The following SPIRE1 variants were observed in gnomAD, a reference collection of about 807,000 sequenced individuals.
The protein encoded by SPIRE1 is protein spire homolog 1.
In SPIRE1, 40 loss-of-function variants were observed where a neutral mutation model predicts 94.1. The ratio of observed to expected loss-of-function variants is 0.43; its 90% CI spans 0.33 to 0.55. SPIRE1 has a LOEUF of 0.55. Ranked by LOEUF, SPIRE1 falls within the 20% of genes least tolerant of loss-of-function variation. SPIRE1 has a pLI of 0.06. For missense variants in SPIRE1, 838 were observed against 975.2 expected, an observed-to-expected ratio of 0.86 and a Z score of 1.87; for synonymous variants, 376 against 371.7, an observed-to-expected ratio of 1.01 and a Z score of -0.13.
rs758124936 is a variant in SPIRE1 at position 12,479,829 on chromosome 18, G to A, written c.1274C>T (p.Ser425Phe). Reference sequence around the variant, plus strand: ...TGATGTCAAACCTCCATTCACCATAGATGACTCCACAAGATTCTTTGTAGA... The same window carrying A: ...TGATGTCAAACCTCCATTCACCATAAATGACTCCACAAGATTCTTTGTAGA... ...PESTKNLVESSMVNGGLTSQT... is the reference protein window; with the variant it reads ...PESTKNLVESFMVNGGLTSQT... The change falls in exon 10 of 17, where the codon TCT becomes TTT. Residue 425 changes from serine to phenylalanine, a missense_variant. Transcript: ENST00000409402. 2 of 1,614,118 alleles carry A rather than the reference G, an allele frequency of 1.2e-6. No individual in the cohort carries two copies. Among genetic ancestry groups the A allele is most frequent in the Non-Finnish European group, 1.7e-6 (2 of 1,179,996 alleles).
chr18:12,557,482 C>A (rs1335915321), intron 2 of SPIRE1, among the ~76,000 whole-genome samples: 1 of 152,164 alleles, frequency 6.6e-6, no homozygotes, highest in Non-Finnish European at 1.5e-5. Flanking sequence ...CTCATGCTGG[C>A]CCGCGAGCGC....
intron 2 of SPIRE1, among the ~76,000 whole-genome samples, chr18:12,609,099 A>G (rs570683904): frequency 6.6e-5 from 10 of 152,248 alleles, no homozygotes; most frequent in Non-Finnish European, 1.0e-4. Flanking sequence ...TCGAGCTTCT[A>G]TGAGAATCTA....
intron 14 of SPIRE1, 171 bp from the exon 15 acceptor site, chr18:12,452,683 C>A: frequency 1.4e-6 from 1 of 692,196 alleles, no homozygotes; most frequent in Non-Finnish European, 2.5e-6. Flanking sequence ...AGATAATCTA[C>A]AGAACTTAAC....
intron 4 of SPIRE1, among the ~76,000 whole-genome samples, chr18:12,521,065 A>T (rs892646744): frequency 1.3e-5 from 2 of 152,214 alleles, no homozygotes; most frequent in African/African-American, 4.8e-5. Flanking sequence ...AGACTATAAA[A>T]TGTGGCTATA....
intron 10 of SPIRE1, 31 bp downstream of exon 10, chr18:12,479,668 G>C (rs764998025): frequency 1.3e-6 from 2 of 1,566,382 alleles, no homozygotes; most frequent in African/African-American, 2.7e-5. Context: ...CCCTCATCTT[G>C]GGAGTCAAGC....
intron 2 of SPIRE1, among the ~76,000 whole-genome samples, chr18:12,600,601 A>G (rs1264330597): frequency 6.6e-6 from 1 of 152,090 alleles, no homozygotes; most frequent in Non-Finnish European, 1.5e-5. Context: ...CACTCCTTCT[A>G]TATTTGTGAG....
At chr18:12,492,962 C>G in intron 8 of SPIRE1, 110 bp downstream of exon 8, 1 of 1,278,608 alleles carries the variant, frequency 7.8e-7, no homozygotes, top group South Asian at 1.6e-5. Flanking sequence ...GAGTGAGATA[C>G]AGAGAAATGA....
intron 2 of SPIRE1, among the ~76,000 whole-genome samples, chr18:12,561,776 C>T (rs1206340099): frequency 1.3e-5 from 2 of 152,136 alleles, no homozygotes; most frequent in African/African-American, 2.4e-5. Flanking sequence ...CTATAATCAA[C>T]ACATTAATAT....
intron 12 of SPIRE1, among the ~76,000 whole-genome samples, chr18:12,461,529 A>G (rs978153321): frequency 1.3e-5 from 2 of 148,942 alleles, no homozygotes; most frequent in African/African-American, 2.5e-5. Flanking sequence ...TATGTGTGGT[A>G]TGTACGTACA....
chr18:12,509,872 G>A (rs1268140799), intron 5 of SPIRE1, among the ~76,000 whole-genome samples: 2 of 152,090 alleles, frequency 1.3e-5, no homozygotes, highest in Non-Finnish European at 2.9e-5. Flanking sequence ...CACCAGGTAG[G>A]TCAGGAGTAC....
chr18:12,458,000 G>A (rs2031602507), intron 12 of SPIRE1, among the ~76,000 whole-genome samples: 2 of 151,604 alleles, frequency 1.3e-5, no homozygotes, highest in African/African-American at 4.8e-5. Flanking sequence ...GCCCGCCACT[G>A]AGCCCAGCTA....
At chr18:12,541,527 T>G (rs534288751) in intron 3 of SPIRE1, among the ~76,000 whole-genome samples, 2 of 152,354 alleles carry the variant, frequency 1.3e-5, no homozygotes, top group African/African-American at 4.8e-5. Context: ...ATGAATGCTA[T>G]TTCTCCTTAG....
intron 4 of SPIRE1, among the ~76,000 whole-genome samples, chr18:12,531,309 T>A (rs2034675634): frequency 6.6e-6 from 1 of 152,166 alleles, no homozygotes; most frequent in African/African-American, 2.4e-5. Flanking sequence ...ACACATTCTC[T>A]CATAAACTCT....
rs760230999 is a variant in SPIRE1, at chr18:12,546,870, G to A, written c.407C>T (p.Ala136Val). 6.2e-7 allele frequency: 1 copy of A among 1,613,770 alleles called. No homozygotes were observed. Among genetic ancestry groups the A allele is most frequent in the Non-Finnish European group, 8.5e-7 (1 of 1,179,880 alleles). ...ATTCTCCTTCAAACCATAGTCCAGT[G>A]CTTTATAAATAATAATTCCCAAAGA... The part of the protein sequence containing the change: ...IESLGIIIYK[A>V]LDYGLKENEE... Residue 136 changes from alanine (A) to valine (V), a missense_variant, in exon 3 of 17, where the codon GCA (alanine) becomes GTA (valine). This residue lies in a region of SPIRE1 where 645 missense variants were observed against 804.7 expected (regional missense o/e 0.80). Transcript: ENST00000409402.
At chr18:12,611,572 G>A (rs772457930) in intron 2 of SPIRE1, among the ~76,000 whole-genome samples, 1 of 152,208 alleles carries the variant, frequency 6.6e-6, no homozygotes, top group Non-Finnish European at 1.5e-5. Flanking sequence ...AAAACACTGA[G>A]CCAGAATCAC....
At chr18:12,605,933 C>G (rs973104523) in intron 2 of SPIRE1, among the ~76,000 whole-genome samples, 1 of 152,146 alleles carries the variant, frequency 6.6e-6, no homozygotes, top group Non-Finnish European at 1.5e-5. Context: ...CACTGGCCTC[C>G]TTCATGTTCT....
At chr18:12,619,021 A>T (rs2037388346) in intron 2 of SPIRE1, among the ~76,000 whole-genome samples, 1 of 151,690 alleles carries the variant, frequency 6.6e-6, no homozygotes, top group Non-Finnish European at 1.5e-5. Context: ...AGTAGCTGGG[A>T]TTACAGGCAC....
At chr18:12,648,861 G>T (rs1383615984) in intron 1 of SPIRE1, among the ~76,000 whole-genome samples, 4 of 122,218 alleles carry the variant, frequency 3.3e-5, no homozygotes, top group Non-Finnish European at 4.7e-5. Flanking sequence ...TTGCACTCCA[G>T]CCTGGACAAG....
At chr18:12,554,489 CAA>C (rs766286722) in intron 2 of SPIRE1, among the ~76,000 whole-genome samples, 10 of 151,992 alleles carry the variant, frequency 6.6e-5, no homozygotes, top group Non-Finnish European at 1.0e-4. Flanking sequence ...GTAATGAGAT[CAA>C]AGTGATAAAA....
Sources: gnomAD v4.1 joint callset for allele counts (sites outside exome capture counted in the v4.1 genomes callset) on GRCh38, gnomAD v4.1.1 for gene constraint, gnomAD v4.1.1 regional missense constraint, MANE v1.5 for transcripts, NCBI Gene and HGNC (gene_info 2026-07-23, HGNC 2026-07-21) for gene names.